Variants in RPSA2 observed in about 807,000 individuals in gnomAD.
RPSA2 encodes ribosomal protein SA 2.
At chr19:23,778,597 T>C in the RPSA2 span, among the ~76,000 whole-genome samples, 1 of 152,052 alleles carries the variant, frequency 6.6e-6, no homozygotes, top group East Asian at 1.9e-4. Context: ...ATGACTTTCC[T>C]CTCCTGCCTG....
At chr19:23,759,769 G>A in the RPSA2 span, among the ~76,000 whole-genome samples, 2,391 of 151,910 alleles carry the variant, frequency 0.016, 36 homozygotes, top group Middle Eastern at 0.024. Flanking sequence ...TGATTGGCCC[G>A]CCTCAGCCTC....
the RPSA2 span, among the ~76,000 whole-genome samples, chr19:23,797,326 TCTCAAACTCCTGAC>T: frequency 6.6e-6 from 1 of 152,102 alleles, no homozygotes; most frequent in Admixed American, 6.6e-5. Flanking sequence ...GCCAGGCTGG[TCTCAAACTCCTGAC>T]CTCATGATCT....
chr19:23,836,821 A>T, the RPSA2 span, among the ~76,000 whole-genome samples: 1 of 151,268 alleles, frequency 6.6e-6, no homozygotes, highest in Non-Finnish European at 1.5e-5. Context: ...ATCTTTTGAG[A>T]TTTTTCTATT....
the RPSA2 span, among the ~76,000 whole-genome samples, chr19:23,825,565 T>C: frequency 6.6e-6 from 1 of 152,164 alleles, no homozygotes; most frequent in Non-Finnish European, 1.5e-5. Context: ...GTTTTCTAAT[T>C]CTGCGTAGAT....
At chr19:23,834,493 G>A in the RPSA2 span, among the ~76,000 whole-genome samples, 1 of 151,932 alleles carries the variant, frequency 6.6e-6, no homozygotes, top group Admixed American at 6.6e-5. Context: ...GAGGCTCTTT[G>A]TGGTTAACTT....
the RPSA2 span, among the ~76,000 whole-genome samples, chr19:23,807,277 A>G: frequency 6.6e-6 from 1 of 152,188 alleles, no homozygotes; most frequent in Admixed American, 6.5e-5. Flanking sequence ...TCTTCCACTT[A>G]CTGGATGTTT....
At chr19:23,830,762 C>A in the RPSA2 span, among the ~76,000 whole-genome samples, 1 of 150,992 alleles carries the variant, frequency 6.6e-6, no homozygotes, top group African/African-American at 2.4e-5. Context: ...TAATTTATAC[C>A]TCTGATTTTT....
At chr19:23,785,479 C>T in the RPSA2 span, among the ~76,000 whole-genome samples, 3 of 152,080 alleles carry the variant, frequency 2.0e-5, no homozygotes, top group Non-Finnish European at 2.9e-5. Flanking sequence ...TCACTAGGCC[C>T]AGGTACCAGA....
the RPSA2 span, among the ~76,000 whole-genome samples, chr19:23,797,022 C>T: frequency 4.8e-4 from 68 of 141,254 alleles, no homozygotes; most frequent in East Asian, 0.012. Flanking sequence ...ACTTTTTTAG[C>T]ATTAAATGCT....
At chr19:23,861,967 AG>A in the RPSA2 span, among the ~76,000 whole-genome samples, 1 of 152,146 alleles carries the variant, frequency 6.6e-6, no homozygotes, top group Non-Finnish European at 1.5e-5. Flanking sequence ...AGGGGTAAGA[AG>A]CACAGTCCTT....
At chr19:23,848,781 A>C in the RPSA2 span, among the ~76,000 whole-genome samples, 1 of 152,200 alleles carries the variant, frequency 6.6e-6, no homozygotes, top group Non-Finnish European at 1.5e-5. Context: ...CTAATTTTTG[A>C]TTGATGCCTT....
chr19:23,826,088 C>G, the RPSA2 span, among the ~76,000 whole-genome samples: 1 of 150,774 alleles, frequency 6.6e-6, no homozygotes, highest in Non-Finnish European at 1.5e-5. Context: ...TATCAATTAT[C>G]TTGACATTGT....
the RPSA2 span, among the ~76,000 whole-genome samples, chr19:23,858,491 T>C: frequency 6.6e-6 from 1 of 152,210 alleles, no homozygotes; most frequent in Admixed American, 6.5e-5. Context: ...ACATTAACTG[T>C]TGTAGATACA....
At chr19:23,828,888 C>T in the RPSA2 span, among the ~76,000 whole-genome samples, 66 of 151,394 alleles carry the variant, frequency 4.4e-4, no homozygotes, top group South Asian at 1.0e-3. Flanking sequence ...CTGTGTGTTT[C>T]TTCCATTCTG....
At chr19:23,852,808 A>G in the RPSA2 span, among the ~76,000 whole-genome samples, 5 of 152,240 alleles carry the variant, frequency 3.3e-5, no homozygotes, top group African/African-American at 9.6e-5. Flanking sequence ...GTTTTTGGAA[A>G]TCACTTAAGG....
At chr19:23,807,538 G>A in the RPSA2 span, among the ~76,000 whole-genome samples, 1 of 152,052 alleles carries the variant, frequency 6.6e-6, no homozygotes, top group Non-Finnish European at 1.5e-5. Flanking sequence ...TGTAAATATA[G>A]TACTCAAAAA....
the RPSA2 span, among the ~76,000 whole-genome samples, chr19:23,786,564 A>G: frequency 3.9e-5 from 6 of 152,186 alleles, no homozygotes; most frequent in South Asian, 1.0e-3. Context: ...AATATATCAC[A>G]TTAGACATTG....
chr19:23,808,696 G>C, the RPSA2 span: 1 of 617,666 alleles, frequency 1.6e-6, no homozygotes, highest in Admixed American at 2.1e-5. Flanking sequence ...CAAGATTCAT[G>C]TTAGTTATTT....
At chr19:23,760,032 G>T in the RPSA2 span, among the ~76,000 whole-genome samples, 2 of 152,246 alleles carry the variant, frequency 1.3e-5, no homozygotes, top group African/African-American at 4.8e-5. Context: ...TAGCTTCTCA[G>T]TCACAGAGTC....
Sources: gnomAD v4.1 joint callset for allele counts (sites outside exome capture counted in the v4.1 genomes callset) on GRCh38, gnomAD v4.1.1 for gene constraint, MANE v1.5 for transcripts, NCBI Gene and HGNC (gene_info 2026-07-23, HGNC 2026-07-21) for gene names.